ODR4: variants seen among roughly 807,000 people sequenced by gnomAD.
ODR4 encodes the protein protein odr-4 homolog.
ODR4 carries 47 observed loss-of-function variants against 60.2 expected under a neutral mutation model. The observed-to-expected ratio is 0.78, with a 90% CI of 0.62 to 1.00. ODR4 has a LOEUF of 1.00. ODR4 is among the 50% of genes least tolerant of loss of function. The probability of loss-of-function intolerance (pLI) is 0.00; values close to 1 mark genes in which losing one functional copy is unlikely to be tolerated. For missense variants in ODR4, 488 were observed against 530.8 expected (o/e 0.92, Z 0.79); for synonymous variants, 178 against 175.5 (o/e 1.01, Z -0.11).
chr1:186,391,607 A>G (rs1660470698), intron 7 of ODR4, 89 bp from the exon 8 acceptor site: 2 of 821,714 alleles, frequency 2.4e-6, no homozygotes, highest in East Asian at 5.4e-5. Flanking sequence ...TTAATATTTC[A>G]ATTTATTAGG....
At position 186,416,369 on chromosome 1, in the gene ODR4, C is replaced by T. The variant is rs557371228; in HGVS notation, c.1187-1175C>T. On this transcript the variant is annotated intron_variant, in intron 12 of 13. Transcript: ENST00000287859. ...TGGCCAACATGGTGAAATCCCATCT[C>T]AACTAAAAATACAAAAATTAGGCCA... 6.6e-5 allele frequency among the ~76,000 whole-genome samples: 10 copies of T among 151,584 alleles called. No individual in the cohort carries two copies. In the East Asian group the frequency reaches 1.7e-3, roughly 26 times the overall value.
At position 186,406,193 on chromosome 1, in the gene ODR4, A is replaced by G. The variant is rs752654603; in HGVS notation, c.1111A>G (p.Arg371Gly). ...KFDDESAEEI[R>G]DHFMEMLDHT... Reference sequence around the variant, plus strand: ...TGACGATGAGTCAGCTGAAGAAATCAGGGACCATTTTATGGAGATGTTGGA... The same window carrying G: ...TGACGATGAGTCAGCTGAAGAAATCGGGGACCATTTTATGGAGATGTTGGA... Residue 371 changes from arginine to glycine, a missense_variant, in exon 12 of 14, where the codon AGG (arginine) becomes GGG (glycine). Physicochemically the swap from Arg to Gly is moderately radical, Grantham distance 125 (BLOSUM62 -2). Transcript: ENST00000287859. 2.5e-6 allele frequency: 4 copies of G among 1,612,414 alleles called. No homozygotes were observed. The African/African-American group carries it at 5.3e-5, about 22-fold the overall frequency.
In ODR4 at chr1:186,384,292, CT is replaced by C. The variant is rs143858607; in HGVS notation, c.234+1146del. 4.5e-3 allele frequency among the ~76,000 whole-genome samples: 665 copies of C among 147,206 alleles called. 8 individuals are homozygous for C. The highest frequency in any genetic ancestry group is 7.1e-3 in the Admixed American group (104 of 14,732). On this transcript the variant is annotated intron_variant, in intron 3 of 13. Coordinates refer to ENST00000287859, the MANE Select transcript of ODR4 (RefSeq NM_017847.6). ...AAGCAAGGGGTTGGGAGGTGCTAGG[CT>C]TTTTTTTTTAACAACCAGCTCTCGT...
chr1:186,426,380 T>A, the ODR4 span, among the ~76,000 whole-genome samples: 2 of 152,354 alleles, frequency 1.3e-5, no homozygotes, highest in African/African-American at 4.8e-5. Context: ...TATTCAATTA[T>A]CTAAAGGCTG....
intron 11 of ODR4, among the ~76,000 whole-genome samples, chr1:186,399,499 A>G (rs1235009595): frequency 6.7e-6 from 1 of 149,764 alleles, no homozygotes; most frequent in Non-Finnish European, 1.5e-5. Context: ...GTGAGCCACC[A>G]TGCTTGGCTC....
chr1:186,388,201 A>G (rs1193334120), intron 4 of ODR4, among the ~76,000 whole-genome samples: 1 of 152,220 alleles, frequency 6.6e-6, no homozygotes, highest in Non-Finnish European at 1.5e-5. Flanking sequence ...GAAGAAAAGA[A>G]AAATTAATGG....
At chr1:186,433,914 C>T in the ODR4 span, among the ~76,000 whole-genome samples, 1 of 152,106 alleles carries the variant, frequency 6.6e-6, no homozygotes, top group Non-Finnish European at 1.5e-5. Flanking sequence ...TTAGATCAAA[C>T]TTGTTAATTC....
chr1:186,416,724 C>G (rs972701693), intron 12 of ODR4, among the ~76,000 whole-genome samples: 1 of 150,450 alleles, frequency 6.6e-6, no homozygotes, highest in South Asian at 2.1e-4. Flanking sequence ...GGTGTGGTGG[C>G]AGGCGGCTGT....
Position 186,393,973 on chromosome 1 carries a change from A to G in ODR4, c.738A>G (p.Gln246=). Residue 246 remains glutamine (Q), a synonymous_variant, in exon 9 of 14, where the codon CAA becomes CAG. Coordinates refer to ENST00000287859, the MANE Select transcript of ODR4 (RefSeq NM_017847.6). ...AAAAATCTTCTAGAGGAAATACTCA[A>G]GCAACTAGTCATTCTTTTGATGTCA... ...GQKKSSRGNT[Q]ATSHSFDVRV... is the part of the protein sequence containing the mutation. The G allele has an allele frequency of 6.6e-7, 1 of 1,524,472 alleles. No homozygotes were observed. Among genetic ancestry groups the G allele is most frequent in the Non-Finnish European group, 8.9e-7 (1 of 1,125,634 alleles). The allele number at this position is 1,524,472 out of a possible 1,614,324, so 94.4% of individuals were successfully genotyped here.
rs944213958 is a variant in ODR4, at chr1:186,385,980, A to G, written c.235-8A>G. ...ATTTGTTAGCTAATAATATATTTCT[A>G]TTTTTAGGTATCCAGAATGCTACCA... On this transcript the variant is annotated splice_region_variant and splice_polypyrimidine_tract_variant and intron_variant, in intron 3 of 13. Coordinates refer to ENST00000287859, the MANE Select transcript of ODR4 (RefSeq NM_017847.6). 6.5e-7 allele frequency: 1 copy of G among 1,532,524 alleles called. No individual in the cohort carries two copies. Among genetic ancestry groups the G allele is most frequent in the Non-Finnish European group, 9.0e-7 (1 of 1,113,368 alleles). 94.9% of individuals were successfully genotyped at this position (1,532,524 alleles called of 1,614,324 possible). A position where few individuals can be genotyped will look rare whatever the true frequency, so the allele number is the denominator to read the frequency against.
chr1:186,412,852 A>C (rs1286955655), intron 12 of ODR4, among the ~76,000 whole-genome samples: 1 of 152,096 alleles, frequency 6.6e-6, no homozygotes, highest in Non-Finnish European at 1.5e-5. Context: ...TAAATGGAGG[A>C]TGATATTAAC....
intron 11 of ODR4, among the ~76,000 whole-genome samples, chr1:186,404,939 A>G (rs1216946484): frequency 2.0e-5 from 3 of 152,332 alleles, no homozygotes; most frequent in Admixed American, 1.3e-4. Context: ...GATAGTTCAT[A>G]AGGATCGTAG....
At position 186,418,988 on chromosome 1, in the gene ODR4, CTG is replaced by C. The variant is rs1487382126; in HGVS notation, c.1298-17_1298-16del. The C allele has an allele frequency of 1.3e-6, 2 of 1,590,502 alleles. No individual in the cohort carries two copies. The highest frequency in any genetic ancestry group is 1.7e-6 in the Non-Finnish European group (2 of 1,166,888). On this transcript the variant is annotated intron_variant, in intron 13 of 13. Transcript: ENST00000287859. Reference sequence around the variant, plus strand: ...TTTGCTCATTCCATTTTCATTTGTTCTGTGTTTGTTTTACTTTTAGGTGTGAT... The same window carrying C: ...TTTGCTCATTCCATTTTCATTTGTTCTGTTTGTTTTACTTTTAGGTGTGAT...
chr1:186,432,299 T>G, the ODR4 span, among the ~76,000 whole-genome samples: 3 of 152,336 alleles, frequency 2.0e-5, no homozygotes, highest in Non-Finnish European at 2.9e-5. Flanking sequence ...TTTATTTAAA[T>G]TTTTTGTTTC....
At chr1:186,425,264 A>G (rs1315249690), downstream of ODR4, among the ~76,000 whole-genome samples, 1 of 152,166 alleles carries the variant, frequency 6.6e-6, no homozygotes, top group African/African-American at 2.4e-5. Context: ...ACTAAAGACA[A>G]GTTTTCTTTC....
Position 186,391,725 on chromosome 1 carries a change from A to G in ODR4, c.645A>G (p.Ile215Met). The part of the protein sequence containing the change: ...KNGLTRWAKE[I>M]ENGVYLINGQ... ...GACTTACACGCTGGGCCAAGGAAAT[A>G]GAAAATGGTGTTTATTTGATTAATG... Residue 215 changes from isoleucine (I) to methionine (M), a missense_variant, in exon 8 of 14, where the codon ATA (isoleucine) becomes ATG (methionine). By Grantham distance (10) the Ile-to-Met change is conservative. Transcript: ENST00000287859. 1.2e-6 allele frequency: 2 copies of G among 1,604,372 alleles called. No homozygotes were observed. The highest frequency in any genetic ancestry group is 1.7e-6 in the Non-Finnish European group (2 of 1,175,356).
chr1:186,406,857 CTGTT>C (rs1472314023), intron 12 of ODR4, among the ~76,000 whole-genome samples: 1 of 151,904 alleles, frequency 6.6e-6, no homozygotes, highest in Non-Finnish European at 1.5e-5. Context: ...CTTTGGAAGA[CTGTT>C]TGGGTTTTTT....
At chr1:186,434,157 T>C in the ODR4 span, among the ~76,000 whole-genome samples, 10 of 152,108 alleles carry the variant, frequency 6.6e-5, no homozygotes, top group African/African-American at 2.4e-4. Flanking sequence ...TAATATTATG[T>C]ATATAAGATA....
chr1:186,404,732 A>G (rs552334680), intron 11 of ODR4, among the ~76,000 whole-genome samples: 33 of 152,184 alleles, frequency 2.2e-4, no homozygotes, highest in Non-Finnish European at 3.8e-4. Context: ...AAGCCATTGC[A>G]TTTCCTGTGA....
Sources: gnomAD v4.1 joint callset for allele counts (sites outside exome capture counted in the v4.1 genomes callset) on GRCh38, gnomAD v4.1.1 for gene constraint, MANE v1.5 for transcripts, NCBI Gene and HGNC (gene_info 2026-07-23, HGNC 2026-07-21) for gene names.